The following DYNC1I1 variants were observed in gnomAD, a reference collection of about 807,000 sequenced individuals.
DYNC1I1 encodes the protein dynein cytoplasmic 1 intermediate chain 1, also known as cytoplasmic dynein 1 intermediate chain 1.
DYNC1I1 carries 43 observed loss-of-function variants against 86.6 expected under a neutral mutation model. The ratio of observed to expected loss-of-function variants is 0.50; its 90% CI spans 0.39 to 0.64. The LOEUF (loss-of-function observed/expected upper bound fraction) is 0.64. Ranked by LOEUF, DYNC1I1 falls within the 30% of genes least tolerant of loss-of-function variation. The pLI is 0.00. For missense variants in DYNC1I1, 604 were observed against 788.8 expected (o/e 0.77, Z 2.81); for synonymous variants, 262 against 283.7 (o/e 0.92, Z 0.77).
Position 95,952,187 on chromosome 7 carries a change from TTCTG to T in DYNC1I1, c.491-25319_491-25316del, listed in dbSNP as rs536118268. Among the ~76,000 whole-genome samples the T allele has an allele frequency of 1.9e-3, 285 of 152,290 alleles. 1 individual carries two copies. Among genetic ancestry groups the T allele is most frequent in the African/African-American group, 6.1e-3 (252 of 41,556 alleles). The stretch of plus-strand genomic sequence containing the variant: ...ATTTTCTCCTTTCCCTGCTTTCTTA[TTCTG>T]TCTGTTTTACAGCCAGTCCTTCCCG... On this transcript the variant is annotated intron_variant, in intron 6 of 16. Transcript: ENST00000447467.
chr7:95,935,375 G>A, intron 6 of DYNC1I1, among the ~76,000 whole-genome samples: 1 of 151,970 alleles, frequency 6.6e-6, no homozygotes, highest in Non-Finnish European at 1.5e-5. Context: ...CCATTCAAAT[G>A]TCAATGAACA....
At chr7:95,804,279 A>T (rs1794652427) in intron 1 of DYNC1I1, 53 of 863,344 alleles carry the variant, frequency 6.1e-5, no homozygotes, top group Non-Finnish European at 8.0e-5. Context: ...AAATTTGAGC[A>T]GGGCATATCT....
chr7:96,086,226 C>A (rs1440968491), intron 16 of DYNC1I1, among the ~76,000 whole-genome samples: 1 of 152,192 alleles, frequency 6.6e-6, no homozygotes, highest in African/African-American at 2.4e-5. Flanking sequence ...ATGTTTGCTG[C>A]TTATCTGAAT....
At chr7:96,047,015 C>T (rs1468597539) in intron 14 of DYNC1I1, among the ~76,000 whole-genome samples, 1 of 152,264 alleles carries the variant, frequency 6.6e-6, no homozygotes, top group South Asian at 2.1e-4. Flanking sequence ...CTTTATTGCT[C>T]ACAGTTCTGG....
At chr7:95,981,864 T>C (rs1793467642) in intron 7 of DYNC1I1, among the ~76,000 whole-genome samples, 1 of 152,180 alleles carries the variant, frequency 6.6e-6, no homozygotes, top group South Asian at 2.1e-4. Context: ...AATAATTTAT[T>C]AGATTCCAGG....
At chr7:96,009,873 G>T (rs577330709) in intron 10 of DYNC1I1, among the ~76,000 whole-genome samples, 6 of 151,648 alleles carry the variant, frequency 4.0e-5, no homozygotes, top group Non-Finnish European at 8.8e-5. Context: ...TCCGCCTCTC[G>T]GGTTCAAGCG....
intron 6 of DYNC1I1, among the ~76,000 whole-genome samples, chr7:95,887,782 CT>C (rs1373008722): frequency 6.6e-6 from 1 of 152,124 alleles, no homozygotes; most frequent in African/African-American, 2.4e-5. Context: ...AGTGAGAATG[CT>C]TATTTTAGAG....
intron 5 of DYNC1I1, among the ~76,000 whole-genome samples, chr7:95,852,664 A>G (rs1584278743): frequency 6.6e-6 from 1 of 151,802 alleles, no homozygotes; most frequent in East Asian, 1.9e-4. Flanking sequence ...CCGCCACCAC[A>G]CCCAGCTGAT....
At chr7:96,038,647 C>T (rs1788942647) in intron 13 of DYNC1I1, among the ~76,000 whole-genome samples, 1 of 152,154 alleles carries the variant, frequency 6.6e-6, no homozygotes, top group South Asian at 2.1e-4. Context: ...ATGGGATTTA[C>T]AGTGGATATG....
downstream of DYNC1I1, among the ~76,000 whole-genome samples, chr7:96,103,180 G>T (rs889323345): frequency 3.3e-5 from 5 of 152,114 alleles, no homozygotes; most frequent in Non-Finnish European, 1.5e-5. Context: ...AGAGGAAAAC[G>T]TTAGAGTTTG....
At chr7:95,987,189 C>T (rs1483262582) in intron 9 of DYNC1I1, 34 bp downstream of exon 9, 1 of 1,554,084 alleles carries the variant, frequency 6.4e-7, no homozygotes, top group South Asian at 1.1e-5. Flanking sequence ...ACAAACTGGG[C>T]TTGTGTTCTC....
chr7:96,105,569 AG>A (rs1331211847), intron 16 of DYNC1I1, among the ~76,000 whole-genome samples: 1 of 152,134 alleles, frequency 6.6e-6, no homozygotes, highest in African/African-American at 2.4e-5. Context: ...TAATTTCTTA[AG>A]GGTTTTCCCA....
intron 14 of DYNC1I1, among the ~76,000 whole-genome samples, chr7:96,050,999 G>A (rs1023164822): frequency 6.6e-6 from 1 of 152,066 alleles, no homozygotes; most frequent in African/African-American, 2.4e-5. Flanking sequence ...AAACATGCTG[G>A]AGCTGATGCT....
chr7:95,799,952 AGAGGAGGAG>A (rs999315493), intron 1 of DYNC1I1, among the ~76,000 whole-genome samples: 1 of 151,680 alleles, frequency 6.6e-6, no homozygotes, highest in African/African-American at 2.4e-5. Context: ...TAGAAAAGGA[AGAGGAGGAG>A]GAGGAGAAGG....
At chr7:95,786,293 C>T (rs1472663605) in intron 1 of DYNC1I1, among the ~76,000 whole-genome samples, 1 of 152,124 alleles carries the variant, frequency 6.6e-6, no homozygotes, top group African/African-American at 2.4e-5. Context: ...CGGCCACTTC[C>T]ATAGGAAATG....
intron 6 of DYNC1I1, among the ~76,000 whole-genome samples, chr7:95,930,849 G>A (rs1340788324): frequency 6.6e-6 from 1 of 152,158 alleles, no homozygotes; most frequent in African/African-American, 2.4e-5. Flanking sequence ...TGGAGAGGTT[G>A]GTTGCTCCAT....
At chr7:95,887,257 T>C (rs6465485) in intron 6 of DYNC1I1, among the ~76,000 whole-genome samples, 14,253 of 152,128 alleles carry the variant, frequency 0.094, 1,371 homozygotes, top group East Asian at 0.31. Flanking sequence ...TCTCTCCAGG[T>C]AATTAGAAAG....
intron 4 of DYNC1I1, among the ~76,000 whole-genome samples, chr7:95,827,133 G>A (rs531250945): frequency 6.6e-6 from 1 of 152,252 alleles, no homozygotes; most frequent in East Asian, 1.9e-4. Context: ...GGGATGCAGG[G>A]GCTGAGAACT....
At chr7:96,020,697 G>A (rs1191455881) in intron 10 of DYNC1I1, among the ~76,000 whole-genome samples, 2 of 152,200 alleles carry the variant, frequency 1.3e-5, no homozygotes, top group African/African-American at 4.8e-5. Flanking sequence ...CAAAGAGTTA[G>A]TTGTGCACCC....
Sources: gnomAD v4.1 joint callset for allele counts (sites outside exome capture counted in the v4.1 genomes callset) on GRCh38, gnomAD v4.1.1 for gene constraint, MANE v1.5 for transcripts, NCBI Gene and HGNC (gene_info 2026-07-23, HGNC 2026-07-21) for gene names.